Variants in RASGRF1 observed in about 807,000 individuals in gnomAD.
The protein encoded by RASGRF1 is Ras protein specific guanine nucleotide releasing factor 1.
A neutral mutation model predicts 138.7 loss-of-function variants in RASGRF1; 40 were observed. The observed-to-expected ratio is 0.29, with a 90% CI of 0.22 to 0.38. The LOEUF (loss-of-function observed/expected upper bound fraction) is 0.38, where lower values mean the gene tolerates loss of function less well. Ranked by LOEUF, RASGRF1 falls within the 10% of genes least tolerant of loss-of-function variation. RASGRF1 has a pLI of 1.00. For synonymous variants in RASGRF1, 614 were observed against 663.2 expected (o/e 0.93, Z 1.14); for missense variants, 1,108 against 1,650.4 (o/e 0.67, Z 5.69).
At chr15:79,028,588 A>C (rs1293000470) in intron 8 of RASGRF1, among the ~76,000 whole-genome samples, 1 of 152,110 alleles carries the variant, frequency 6.6e-6, no homozygotes, top group Non-Finnish European at 1.5e-5. Flanking sequence ...GTTGGTGGGA[A>C]AAGGTGGGTG....
chr15:79,012,554 G>A (rs1377959859), intron 13 of RASGRF1: 4 of 1,614,018 alleles, frequency 2.5e-6, no homozygotes, highest in Admixed American at 1.7e-5. Context: ...GCTTTAGATT[G>A]GTAAGCAGAT....
intron 13 of RASGRF1, among the ~76,000 whole-genome samples, chr15:79,008,875 T>C (rs1165500191): frequency 2.0e-5 from 3 of 152,206 alleles, no homozygotes; most frequent in Admixed American, 1.3e-4. Flanking sequence ...GAAAGATGCT[T>C]TGAGGACAAA....
intron 10 of RASGRF1, among the ~76,000 whole-genome samples, chr15:79,020,816 C>A (rs1220619287): frequency 1.3e-5 from 2 of 152,210 alleles, no homozygotes; most frequent in African/African-American, 2.4e-5. Flanking sequence ...TCACATTTTT[C>A]TTTTCAAAAG....
intron 5 of RASGRF1, among the ~76,000 whole-genome samples, chr15:79,038,707 G>A (rs2057255566): frequency 6.6e-6 from 1 of 152,096 alleles, no homozygotes; most frequent in South Asian, 2.1e-4. Flanking sequence ...TTTGCCTGTT[G>A]ATTTTGTGTC....
chr15:79,062,219 C>G (rs76017149), intron 2 of RASGRF1, among the ~76,000 whole-genome samples: 490 of 152,296 alleles, frequency 3.2e-3, no homozygotes, highest in African/African-American at 0.011. Flanking sequence ...TCTACATTTA[C>G]AAAGCCCCTT....
intron 8 of RASGRF1, among the ~76,000 whole-genome samples, chr15:79,030,913 C>T (rs896640588): frequency 1.3e-5 from 2 of 152,202 alleles, no homozygotes; most frequent in African/African-American, 4.8e-5. Context: ...TGAAAGAGGG[C>T]CAGGTGAGGG....
At chr15:79,001,034 T>C (rs760492044) in intron 16 of RASGRF1, among the ~76,000 whole-genome samples, 22 of 152,198 alleles carry the variant, frequency 1.4e-4, no homozygotes, top group Non-Finnish European at 2.9e-4. Context: ...CACAGCCCCC[T>C]TGTATAGGGG....
At chr15:79,041,720 G>T (rs974741834) in intron 5 of RASGRF1, among the ~76,000 whole-genome samples, 5 of 152,178 alleles carry the variant, frequency 3.3e-5, no homozygotes, top group African/African-American at 1.2e-4. Flanking sequence ...CCAGTCCAAG[G>T]CAGATAGGAC....
intron 1 of RASGRF1, 52 bp downstream of exon 1, chr15:79,090,171 C>G (rs1164392261): frequency 1.3e-6 from 2 of 1,527,178 alleles, no homozygotes; most frequent in Admixed American, 1.9e-5. Flanking sequence ...GCCCTGAGCC[C>G]CCAGGGCCGC....
At chr15:79,037,724 G>A (rs573864791) in intron 5 of RASGRF1, among the ~76,000 whole-genome samples, 6 of 152,170 alleles carry the variant, frequency 3.9e-5, no homozygotes, top group Non-Finnish European at 7.4e-5. Context: ...CTCTCAAAGT[G>A]CTGGGATTAC....
Position 79,090,562 on chromosome 15 carries a change from GTGCGCGC to G in RASGRF1, c.-71_-65del, listed in dbSNP as rs993716016. On this transcript the variant is annotated 5_prime_UTR_variant, in exon 1 of 27. Transcript: ENST00000558480. ...TTCTCCGCGCAGCAGCCCCCCGTCC[GTGCGCGC>G]TGCGCGCTGCCTCTCTCTGGCGCTC... 41 of 1,570,918 alleles carry G rather than the reference GTGCGCGC, an allele frequency of 2.6e-5. No homozygotes were observed. In the African/African-American group the frequency reaches 4.2e-4, roughly 16 times the overall value.
At chr15:79,003,079 G>GGAGAAAC (rs2056574602) in intron 15 of RASGRF1, among the ~76,000 whole-genome samples, 2 of 152,280 alleles carry the variant, frequency 1.3e-5, no homozygotes, top group Admixed American at 1.3e-4. Context: ...GGAGGCTCCA[G>GGAGAAAC]CCTGTCCTGG....
At chr15:79,072,427 C>T (rs1052944058) in intron 1 of RASGRF1, among the ~76,000 whole-genome samples, 3 of 151,730 alleles carry the variant, frequency 2.0e-5, no homozygotes, top group Non-Finnish European at 4.4e-5. Flanking sequence ...AGGCGTCTGC[C>T]ACCACGCCCG....
chr15:78,968,853 A>G (rs1166597229), intron 26 of RASGRF1, among the ~76,000 whole-genome samples: 1 of 152,102 alleles, frequency 6.6e-6, no homozygotes, highest in African/African-American at 2.4e-5. Flanking sequence ...CCCCACCTTG[A>G]TATCTGCTCA....
At chr15:79,024,098 T>C (rs1281325189) in intron 10 of RASGRF1, among the ~76,000 whole-genome samples, 1 of 145,882 alleles carries the variant, frequency 6.9e-6, no homozygotes, top group Non-Finnish European at 1.5e-5. Flanking sequence ...ACATCACACA[T>C]ACATACACAG....
At chr15:79,053,716 G>A (rs1006927253) in intron 3 of RASGRF1, among the ~76,000 whole-genome samples, 1 of 152,206 alleles carries the variant, frequency 6.6e-6, no homozygotes, top group Non-Finnish European at 1.5e-5. Context: ...GATGGCTGGG[G>A]TGGGTGCCAC....
intron 13 of RASGRF1, among the ~76,000 whole-genome samples, chr15:79,012,157 A>G (rs2056808519): frequency 1.3e-5 from 2 of 152,158 alleles, no homozygotes; most frequent in Non-Finnish European, 2.9e-5. Flanking sequence ...CATTGCCTGC[A>G]TGACATCACT....
chr15:79,032,099 C>G lies in RASGRF1; in HGVS notation c.1152+24G>C, dbSNP rs779853696. 3.1e-6 allele frequency: 5 copies of G among 1,607,824 alleles called. No individual in the cohort carries two copies. The highest frequency in any genetic ancestry group is 4.5e-5 in the East Asian group (2 of 44,756). On this transcript the variant is annotated intron_variant, in intron 7 of 26. Coordinates refer to ENST00000558480, the MANE Select transcript of RASGRF1 (RefSeq NM_001145648.3). This position sits in a 1 kb window ranked among gnomAD's most constrained non-coding sequence, Gnocchi z 4.5. ...CACACCTGCCTCCCTGACTCTACCCCACCCAGGCAGGGCCGGACGCCACCT... is the reference window on the plus strand; with the variant it reads ...CACACCTGCCTCCCTGACTCTACCCGACCCAGGCAGGGCCGGACGCCACCT...
At chr15:79,064,993 A>G (rs1280459919) in intron 1 of RASGRF1, among the ~76,000 whole-genome samples, 1 of 152,198 alleles carries the variant, frequency 6.6e-6, no homozygotes, top group Non-Finnish European at 1.5e-5. Context: ...GCCCACTGAA[A>G]GCCACCTCTG....
Sources: gnomAD v4.1 joint callset for allele counts (sites outside exome capture counted in the v4.1 genomes callset) on GRCh38, gnomAD v4.1.1 for gene constraint, Gnocchi (gnomAD v3.1) non-coding constraint, MANE v1.5 for transcripts, NCBI Gene and HGNC (gene_info 2026-07-23, HGNC 2026-07-21) for gene names.